Variants in MSI2 observed in about 807,000 individuals in gnomAD.
MSI2 encodes RNA-binding protein Musashi homolog 2.
Under a neutral mutation model 45.6 loss-of-function variants are expected in MSI2, and 17 were observed. The observed-to-expected ratio is 0.37, with a 90% CI of 0.26 to 0.56. The LOEUF (loss-of-function observed/expected upper bound fraction) is 0.56. Ranked by LOEUF, MSI2 falls within the 20% of genes least tolerant of loss-of-function variation. The pLI, the probability that MSI2 is intolerant of heterozygous loss-of-function variation, is 0.77. For synonymous variants in MSI2, 156 were observed against 158.2 expected, an observed-to-expected ratio of 0.99 and a Z score of 0.11; for missense variants, 293 against 444.2, an observed-to-expected ratio of 0.66 and a Z score of 3.06.
intron 5 of MSI2, among the ~76,000 whole-genome samples, chr17:57,355,210 G>A (rs750547071): frequency 2.6e-4 from 39 of 152,290 alleles, no homozygotes; most frequent in Admixed American, 1.5e-3. Flanking sequence ...CCTTTTGCAC[G>A]TAAATGTTTT....
intron 6 of MSI2, among the ~76,000 whole-genome samples, chr17:57,408,263 A>C (rs1412625555): frequency 1.3e-5 from 2 of 152,234 alleles, no homozygotes; most frequent in African/African-American, 4.8e-5. Context: ...AGTATATAAA[A>C]TATAGCCAGC....
chr17:57,475,337 G>A lies in MSI2; in HGVS notation c.406-54339G>A, dbSNP rs554237759. ...TTTTGGATGGACAGATGGTGGGAAC[G>A]TGGGTGAGTGTCCAGGTGTGCCCCA... On this transcript the variant is annotated intron_variant, in intron 6 of 13. Transcript: ENST00000284073. Among the ~76,000 whole-genome samples, 17 of 152,270 alleles carry A rather than the reference G, an allele frequency of 1.1e-4. No homozygotes were observed. The South Asian group carries it at 2.9e-3, about 26-fold the overall frequency.
chr17:57,566,427 G>C (rs753984178), intron 7 of MSI2, among the ~76,000 whole-genome samples: 1 of 152,154 alleles, frequency 6.6e-6, no homozygotes, highest in Non-Finnish European at 1.5e-5. Context: ...TGAGAAGACA[G>C]TACCACATAT....
chr17:57,548,885 G>A (rs972643120), intron 7 of MSI2, among the ~76,000 whole-genome samples: 2 of 149,278 alleles, frequency 1.3e-5, no homozygotes, highest in Non-Finnish European at 3.0e-5. Flanking sequence ...ACTTCTCACT[G>A]TTTGTTTACC....
At chr17:57,454,722 A>G (rs2085081208) in intron 6 of MSI2, among the ~76,000 whole-genome samples, 1 of 152,136 alleles carries the variant, frequency 6.6e-6, no homozygotes, top group Non-Finnish European at 1.5e-5. Flanking sequence ...GGCGTGTGCC[A>G]TGGCATGTGT....
At chr17:57,664,915 A>G (rs990493216) in intron 11 of MSI2, among the ~76,000 whole-genome samples, 1 of 152,220 alleles carries the variant, frequency 6.6e-6, no homozygotes, top group African/African-American at 2.4e-5. Context: ...TAAACTGTGC[A>G]GTGGCCAGGC....
At position 57,480,534 on chromosome 17, in the gene MSI2, G is replaced by A. The variant is rs1409448157; in HGVS notation, c.406-49142G>A. 2.0e-5 allele frequency among the ~76,000 whole-genome samples: 3 copies of A among 152,182 alleles called. No homozygotes were observed. The East Asian group carries it at 5.8e-4, about 29-fold the overall frequency. The stretch of plus-strand genomic sequence containing the variant: ...TCTTGTCACCTTCATCAGAGTATCT[G>A]CCTTACCCTAAGCCCTTCAGTAATA... On this transcript the variant is annotated intron_variant, in intron 6 of 13. Coordinates refer to ENST00000284073, the MANE Select transcript of MSI2 (RefSeq NM_138962.4).
At chr17:57,561,269 G>A (rs2087567939) in intron 7 of MSI2, among the ~76,000 whole-genome samples, 1 of 152,104 alleles carries the variant, frequency 6.6e-6, no homozygotes, top group Non-Finnish European at 1.5e-5. Context: ...GTGGAGGGTG[G>A]GAACATTTGA....
downstream of MSI2, among the ~76,000 whole-genome samples, chr17:57,685,875 C>T (rs1456258999): frequency 5.3e-5 from 8 of 152,204 alleles, no homozygotes; most frequent in Non-Finnish European, 1.2e-4. Context: ...GGCCGGCCAT[C>T]GTGGCCATGC....
chr17:57,257,469 G>C lies in MSI2; in HGVS notation c.107G>C (p.Ser36Thr), dbSNP rs751931355. The change falls in exon 3 of 14, where the codon AGC becomes ACC. Residue 36 changes from serine (S) to threonine (T), a missense_variant. Physicochemically the swap from Ser to Thr is moderately conservative, Grantham distance 58 (BLOSUM62 1). Transcript: ENST00000284073. ...GGLSWQTSPDSLRDYFSKFGE... is the reference protein window; with the variant it reads ...GGLSWQTSPDTLRDYFSKFGE... ...CTCTCTCTTTCTCTCTCTACAGATAGCCTTAGAGACTATTTTAGCAAATTT... is the reference window on the plus strand; with the variant it reads ...CTCTCTCTTTCTCTCTCTACAGATACCCTTAGAGACTATTTTAGCAAATTT... 2 of 1,534,568 alleles carry C rather than the reference G, an allele frequency of 1.3e-6. No homozygotes were observed. The highest frequency in any genetic ancestry group is 1.8e-6 in the Non-Finnish European group (2 of 1,112,838).
chr17:57,545,973 C>A (rs1159833237), intron 7 of MSI2, among the ~76,000 whole-genome samples: 5 of 152,086 alleles, frequency 3.3e-5, no homozygotes, highest in Non-Finnish European at 7.4e-5. Context: ...GAGGGTGAGG[C>A]AGCAGAGGGG....
intron 5 of MSI2, among the ~76,000 whole-genome samples, chr17:57,275,313 AAGAGGAGAGAGTAACTTC>A (rs1434612394): frequency 8.5e-5 from 13 of 152,340 alleles, no homozygotes; most frequent in African/African-American, 2.9e-4. Flanking sequence ...TGGATGGTCC[AAGAGGAGAGAGTAACTTC>A]AGAGACATGA....
chr17:57,343,890 A>G (rs556172529), intron 5 of MSI2, among the ~76,000 whole-genome samples: 30 of 152,292 alleles, frequency 2.0e-4, no homozygotes, highest in Middle Eastern at 3.4e-3. Context: ...GATTCAAGTT[A>G]TGCTTTCCTG....
chr17:57,643,932 G>A (rs1174196167), intron 10 of MSI2, among the ~76,000 whole-genome samples: 1 of 152,178 alleles, frequency 6.6e-6, no homozygotes, highest in Non-Finnish European at 1.5e-5. Flanking sequence ...TTCCCAGCAG[G>A]CAGGCCTGGC....
intron 6 of MSI2, among the ~76,000 whole-genome samples, chr17:57,465,799 C>T (rs1334299935): frequency 6.6e-6 from 1 of 152,154 alleles, no homozygotes; most frequent in African/African-American, 2.4e-5. Context: ...CTCTACTTGG[C>T]AGCACATCAG....
At chr17:57,405,021 G>A (rs541210248) in intron 6 of MSI2, among the ~76,000 whole-genome samples, 18 of 152,116 alleles carry the variant, frequency 1.2e-4, no homozygotes, top group African/African-American at 2.7e-4. Flanking sequence ...AGCTACCCAG[G>A]GGTGAAGATG....
At chr17:57,268,014 C>T (rs1016441053) in intron 5 of MSI2, 1 of 152,216 alleles carries the variant, frequency 6.6e-6, no homozygotes. Context: ...TTCCACGAAG[C>T]TGTCCCTGCC....
intron 5 of MSI2, among the ~76,000 whole-genome samples, chr17:57,340,082 C>T (rs576618054): frequency 2.3e-4 from 35 of 152,318 alleles, no homozygotes; most frequent in African/African-American, 8.2e-4. Flanking sequence ...GTGATACTGA[C>T]TAACATTTCT....
At chr17:57,526,156 C>T (rs1360574924) in intron 6 of MSI2, among the ~76,000 whole-genome samples, 1 of 151,894 alleles carries the variant, frequency 6.6e-6, no homozygotes, top group African/African-American at 2.4e-5. Flanking sequence ...ACCCAGGAGG[C>T]GGGGGTAGCA....
Sources: allele counts gnomAD v4.1 joint callset (sites outside exome capture counted in the v4.1 genomes callset), GRCh38; gene constraint gnomAD v4.1.1; transcripts MANE v1.5; gene names NCBI Gene and HGNC (gene_info 2026-07-23, HGNC 2026-07-21).